Variants in ZNF326 observed in about 807,000 individuals in gnomAD.
The protein encoded by ZNF326 is zinc finger protein 326, also known as DBIRD complex subunit ZNF326.
In ZNF326, 30 loss-of-function variants were observed where a neutral mutation model predicts 63.1. The ratio of observed to expected loss-of-function variants is 0.48; its 90% CI spans 0.36 to 0.64. The LOEUF is 0.64. ZNF326 is among the 30% of genes least tolerant of loss of function. The pLI is 0.00. For missense variants in ZNF326, 609 were observed against 720.3 expected (o/e 0.85, Z 1.77); for synonymous variants, 194 against 228.2 (o/e 0.85, Z 1.35).
At chr1:90,024,154 C>T (rs1047660573) in intron 11 of ZNF326, among the ~76,000 whole-genome samples, 1 of 152,140 alleles carries the variant, frequency 6.6e-6, no homozygotes, top group Admixed American at 6.5e-5. Context: ...TAAAACTCCT[C>T]CACTGTCCCT....
At chr1:89,997,408 C>T (rs1648433468) in intron 1 of ZNF326, among the ~76,000 whole-genome samples, 1 of 151,668 alleles carries the variant, frequency 6.6e-6, no homozygotes. Context: ...GAGTCTCGTT[C>T]TGTCGCCCAG....
intron 10 of ZNF326, among the ~76,000 whole-genome samples, chr1:90,021,323 A>G (rs1649762431): frequency 6.6e-6 from 1 of 151,310 alleles, no homozygotes. Flanking sequence ...AACTTTTTAA[A>G]AAGTCAGTAC....
At position 90,027,860 on chromosome 1, in the gene ZNF326, T is replaced by A; in HGVS notation, c.*159T>A. 4.4e-6 allele frequency: 3 copies of A among 688,124 alleles called. No individual in the cohort carries two copies. The highest frequency in any genetic ancestry group is 7.0e-6 in the Non-Finnish European group (3 of 426,322). 42.6% of individuals were successfully genotyped at this position (688,124 alleles called of 1,614,324 possible). A position where few individuals can be genotyped will look rare whatever the true frequency, so the allele number is the denominator to read the frequency against. On this transcript the variant is annotated 3_prime_UTR_variant, in exon 12 of 12. Transcript: ENST00000340281. ...AATTTCTAAATGTTTAACATTTGTT[T>A]AATAAAATGAAGGCAAAACTATTTT...
Position 90,007,635 on chromosome 1 carries a change from C to T in ZNF326, c.500C>T (p.Pro167Leu), listed in dbSNP as rs1649047815. The T allele has an allele frequency of 1.3e-6, 2 of 1,576,714 alleles. No individual in the cohort carries two copies. The highest frequency in any genetic ancestry group is 1.7e-6 in the Non-Finnish European group (2 of 1,161,414). ...AGTTTTTCTTCACCCCATATGAAGC[C>T]TGCACCTGTAGGCTCTCGGGGGAGA... ...YSSFSSPHMK[P>L]APVGSRGRGT... The change falls in exon 5 of 12, where the codon CCT becomes CTT. Residue 167 changes from proline to leucine, a missense_variant. By Grantham distance (98) the Pro-to-Leu change is moderately conservative. This residue lies in a region of ZNF326 where 113 missense variants were observed against 187.4 expected (regional missense o/e 0.60). Coordinates refer to ENST00000340281, the MANE Select transcript of ZNF326 (RefSeq NM_182976.4). The surrounding 1 kb of genome is among the most constrained non-coding windows in gnomAD (Gnocchi z 4.9).
intron 5 of ZNF326, among the ~76,000 whole-genome samples, chr1:90,008,638 A>G (rs1649101564): frequency 6.6e-6 from 1 of 152,152 alleles, no homozygotes; most frequent in South Asian, 2.1e-4. Context: ...TTTTTGTTAT[A>G]ATGTAAGAAT....
rs1650169953 is a variant in ZNF326 at position 90,029,499 on chromosome 1, G to C, written c.*1798G>C. 6.6e-6 allele frequency: 1 copy of C among 152,078 alleles called. No individual in the cohort carries two copies. The highest frequency in any genetic ancestry group is 1.5e-5 in the Non-Finnish European group (1 of 67,998). 9.4% of individuals were successfully genotyped at this position (152,078 alleles called of 1,614,324 possible). On this transcript the variant is annotated 3_prime_UTR_variant, in exon 12 of 12. Coordinates refer to ENST00000340281, the MANE Select transcript of ZNF326 (RefSeq NM_182976.4). ...TCAAATTTTAAGGATAATAGGACTT[G>C]TTACCCTCTTATTTCTCCTTTATTT...
At chr1:90,011,091 G>T (rs1033575930) in intron 6 of ZNF326, among the ~76,000 whole-genome samples, 1 of 152,102 alleles carries the variant, frequency 6.6e-6, no homozygotes, top group African/African-American at 2.4e-5. Flanking sequence ...GTTAAATATT[G>T]CAAAAGTTTG....
In ZNF326 at chr1:90,003,096, C is replaced by T. The variant is rs185924196; in HGVS notation, c.62-1907C>T. Among the ~76,000 whole-genome samples, 55 of 149,862 alleles carry T rather than the reference C, an allele frequency of 3.7e-4. No individual in the cohort carries two copies. The East Asian group carries it at 1.0e-2, about 27-fold the overall frequency. The stretch of plus-strand genomic sequence containing the variant: ...ATCCTTGACAACAAATAATGTCGGT[C>T]GTTTTCGTTAAAACAATGTTTTCAC... On this transcript the variant is annotated intron_variant, in intron 2 of 11. Transcript: ENST00000340281.
intron 8 of ZNF326, 86 bp downstream of exon 8, chr1:90,017,550 TTATG>T: frequency 1.6e-6 from 2 of 1,269,764 alleles, no homozygotes; most frequent in East Asian, 5.5e-5. Context: ...TCTCTCACAT[TTATG>T]TTTCTAAAAT....
Position 89,995,243 on chromosome 1 carries a change from CCCTCAG to C in ZNF326, c.-10_-5del. The C allele has an allele frequency of 6.4e-7, 1 of 1,550,902 alleles. No homozygotes were observed. Among genetic ancestry groups the C allele is most frequent in the South Asian group, 1.2e-5 (1 of 83,880 alleles). Reference sequence around the variant, plus strand: ...AGCCTAGCGCCGCCAAGGCCGACGGCCCTCAGCCTCTGCCATGGACTTCGAGGACGG... The same window carrying C: ...AGCCTAGCGCCGCCAAGGCCGACGGCCCTCTGCCATGGACTTCGAGGACGG... On this transcript the variant is annotated 5_prime_UTR_variant, in exon 1 of 12. Coordinates refer to ENST00000340281, the MANE Select transcript of ZNF326 (RefSeq NM_182976.4).
chr1:90,010,336 A>T (rs77529185), intron 6 of ZNF326, 50 bp downstream of exon 6: 29,887 of 1,566,518 alleles, frequency 0.019, 1,103 homozygotes, highest in African/African-American at 0.16. Context: ...TTTATTTTTT[A>T]AAATTCCATA....
At chr1:90,009,991 G>C in intron 5 of ZNF326, 97 bp from the exon 6 acceptor site, 1 of 1,188,396 alleles carries the variant, frequency 8.4e-7, no homozygotes, top group Non-Finnish European at 1.2e-6. Context: ...GGAATTTTCA[G>C]GTGAAAATTA....
At chr1:90,002,001 CA>C (rs1379522817) in intron 2 of ZNF326, among the ~76,000 whole-genome samples, 1 of 152,106 alleles carries the variant, frequency 6.6e-6, no homozygotes, top group Non-Finnish European at 1.5e-5. Flanking sequence ...ATTATTAGGT[CA>C]GTTTTATTTT....
At chr1:90,000,975 A>G (rs1178998078) in intron 2 of ZNF326, among the ~76,000 whole-genome samples, 1 of 152,114 alleles carries the variant, frequency 6.6e-6, no homozygotes, top group African/African-American at 2.4e-5. Flanking sequence ...TGGAGTGAAC[A>G]GGGGTGTATG....
rs1649087015 is a variant in ZNF326 at position 90,008,349 on chromosome 1, G to T, written c.615+599G>T. Among the ~76,000 whole-genome samples, 6 of 152,170 alleles carry T rather than the reference G, an allele frequency of 3.9e-5. No individual in the cohort carries two copies. In the South Asian group the frequency reaches 1.0e-3, roughly 26 times the overall value. ...ACTCACGCTTACAATATGTCCAGTT[G>T]CTGGTTGTTTTATTTTCCCTCGTGT... On this transcript the variant is annotated intron_variant, in intron 5 of 11. Transcript: ENST00000340281.
chr1:90,032,012 C>A lies in ZNF326; in HGVS notation c.*4311C>A, dbSNP rs1650299321. On this transcript the variant is annotated 3_prime_UTR_variant, in exon 12 of 12. Transcript: ENST00000340281. ...GTAGTTATGGTCCCTACCCTCAGTG[C>A]TGTATCTCTATTTGGTATTCAAACA... 1 of 152,162 alleles carries A rather than the reference C, an allele frequency of 6.6e-6. No individual in the cohort carries two copies. Among genetic ancestry groups the A allele is most frequent in the Admixed American group, 6.6e-5 (1 of 15,262 alleles). The allele number at this position is 152,162 out of a possible 1,614,324, so 9.4% of individuals were successfully genotyped here.
chr1:90,021,122 A>C lies in ZNF326; in HGVS notation c.1305+200A>C, dbSNP rs188906687. Reference sequence around the variant, plus strand: ...TAAGACTCCCTGAGTTGTTCAATCTATAACATGTGTTACGCAAGCAAGTTA... The same window carrying C: ...TAAGACTCCCTGAGTTGTTCAATCTCTAACATGTGTTACGCAAGCAAGTTA... On this transcript the variant is annotated intron_variant, in intron 10 of 11. Coordinates refer to ENST00000340281, the MANE Select transcript of ZNF326 (RefSeq NM_182976.4). Among the ~76,000 whole-genome samples the C allele has an allele frequency of 6.7e-3, 1,014 of 152,144 alleles. 11 individuals are homozygous for C. Among genetic ancestry groups the C allele is most frequent in the African/African-American group, 0.023 (959 of 41,574 alleles).
Position 90,027,361 on chromosome 1 carries a change from A to G in ZNF326, c.1409A>G (p.Asn470Ser). Residue 470 changes from asparagine (N) to serine (S), a missense_variant, in exon 12 of 12, where the codon AAT becomes AGT. Physicochemically the swap from Asn to Ser is conservative, Grantham distance 46 (BLOSUM62 1). Coordinates refer to ENST00000340281, the MANE Select transcript of ZNF326 (RefSeq NM_182976.4). The stretch of plus-strand genomic sequence containing the variant: ...CATTTCTTATGTTTTTAGGGTGAGA[A>G]TCCTTTTGAAATTCAAGACCATTCT... ...ARYERFVKGENPFEIQDHSQD... is the reference protein window; with the variant it reads ...ARYERFVKGESPFEIQDHSQD... 6.2e-7 allele frequency: 1 copy of G among 1,613,558 alleles called. No homozygotes were observed. Among genetic ancestry groups the G allele is most frequent in the East Asian group, 2.2e-5 (1 of 44,784 alleles).
Position 89,998,163 on chromosome 1 carries a change from C to A in ZNF326, c.61+9C>A. ...TTATCAGGGCTTTAATGGTAAGTAT[C>A]CTCTTTCAGCTTTTCTCTTCATGCG... On this transcript the variant is annotated intron_variant, in intron 2 of 11. Coordinates refer to ENST00000340281, the MANE Select transcript of ZNF326 (RefSeq NM_182976.4). 6.2e-7 allele frequency: 1 copy of A among 1,612,480 alleles called. No individual in the cohort carries two copies. The highest frequency in any genetic ancestry group is 8.5e-7 in the Non-Finnish European group (1 of 1,179,546).
Sources: allele counts gnomAD v4.1 joint callset (sites outside exome capture counted in the v4.1 genomes callset), GRCh38; gene constraint gnomAD v4.1.1; regional missense constraint gnomAD v4.1.1; non-coding constraint Gnocchi (gnomAD v3.1); transcripts MANE v1.5; gene names NCBI Gene and HGNC (gene_info 2026-07-23, HGNC 2026-07-21).